Variants in PLCXD3 observed in about 807,000 individuals in gnomAD.
PLCXD3 encodes PI-PLC X domain-containing protein 3.
Under a neutral mutation model 25.5 loss-of-function variants are expected in PLCXD3, and 19 were observed. The ratio of observed to expected loss-of-function variants is 0.75; its 90% CI spans 0.52 to 1.09. The LOEUF (loss-of-function observed/expected upper bound fraction) is 1.09. Ranked by LOEUF, PLCXD3 falls within the 50% of genes least tolerant of loss-of-function variation. The probability of loss-of-function intolerance (pLI) is 0.00; values close to 1 mark genes in which losing one functional copy is unlikely to be tolerated. For missense variants in PLCXD3, 411 were observed against 388.1 expected, an observed-to-expected ratio of 1.06 and a Z score of -0.50; for synonymous variants, 174 against 137.6, an observed-to-expected ratio of 1.26 and a Z score of -1.85.
chr5:41,473,519 C>T (rs772980533), intron 1 of PLCXD3, among the ~76,000 whole-genome samples: 11 of 152,052 alleles, frequency 7.2e-5, no homozygotes, highest in East Asian at 3.9e-4. Flanking sequence ...CAGGCTGGAG[C>T]GCAGGCTCCG....
In PLCXD3 at chr5:41,313,742, G is replaced by A. The variant is rs559527240; in HGVS notation, c.841C>T (p.Arg281Cys). Residue 281 changes from arginine (R) to cysteine (C), a missense_variant, in exon 3 of 3, where the codon CGC becomes TGC. Arg to Cys is a radical substitution (Grantham distance 180, BLOSUM62 -3). Coordinates refer to ENST00000377801, the MANE Select transcript of PLCXD3 (RefSeq NM_001005473.3). ...RALPAMMQWV[R>C]TQKPGESGIN... ...CCACTCTCTCCTGGCTTCTGCGTGC[G>A]GACCCACTGCATCATGGCAGGAAGA... is the stretch of plus-strand genomic sequence containing the variant. The A allele has an allele frequency of 4.5e-5, 72 of 1,609,074 alleles. 1 individual carries two copies. The highest frequency in any genetic ancestry group is 3.3e-4 in the Middle Eastern group (2 of 6,028).
intron 1 of PLCXD3, among the ~76,000 whole-genome samples, chr5:41,439,039 C>A (rs1463675729): frequency 6.6e-6 from 1 of 152,176 alleles, no homozygotes; most frequent in African/African-American, 2.4e-5. Context: ...TGAAAACAAA[C>A]AAACACTGTC....
At chr5:41,416,031 G>T (rs565925496) in intron 1 of PLCXD3, among the ~76,000 whole-genome samples, 24 of 152,264 alleles carry the variant, frequency 1.6e-4, no homozygotes, top group African/African-American at 5.5e-4. Context: ...GCCTTGAGAG[G>T]AAAAAGGATC....
At chr5:41,469,110 T>C (rs1748092617) in intron 1 of PLCXD3, among the ~76,000 whole-genome samples, 1 of 152,180 alleles carries the variant, frequency 6.6e-6, no homozygotes, top group African/African-American at 2.4e-5. Flanking sequence ...TATCAAATGT[T>C]TTTTCTGCAT....
In PLCXD3 at chr5:41,307,904, G is replaced by A. The variant is rs1458347972; in HGVS notation, c.*5713C>T. 6.6e-6 allele frequency: 1 copy of A among 152,100 alleles called. No individual in the cohort carries two copies. The highest frequency in any genetic ancestry group is 2.4e-5 in the African/African-American group (1 of 41,422). 9.4% of individuals were successfully genotyped at this position (152,100 alleles called of 1,614,324 possible). On this transcript the variant is annotated 3_prime_UTR_variant, in exon 3 of 3. Coordinates refer to ENST00000377801, the MANE Select transcript of PLCXD3 (RefSeq NM_001005473.3). ...TTTCTAATATGTCGGTGTGTTTTTG[G>A]TTGTCCCAGTTACTGGGAAATGCTA...
At chr5:41,316,113 G>A (rs774859362) in intron 2 of PLCXD3, among the ~76,000 whole-genome samples, 45 of 152,122 alleles carry the variant, frequency 3.0e-4, no homozygotes, top group Non-Finnish European at 6.0e-4. Flanking sequence ...TCTTCCACTT[G>A]GGAGAAGAGG....
At chr5:41,470,249 T>C (rs1452615955) in intron 1 of PLCXD3, among the ~76,000 whole-genome samples, 2 of 151,930 alleles carry the variant, frequency 1.3e-5, no homozygotes, top group African/African-American at 2.4e-5. Context: ...ATCTGAAACA[T>C]AAAGAGTAGA....
At chr5:41,411,881 TATGTATCC>T in intron 1 of PLCXD3, among the ~76,000 whole-genome samples, 5 of 4,814 alleles carry the variant, frequency 1.0e-3, no homozygotes, top group Non-Finnish European at 3.0e-3. Flanking sequence ...TCTCCATATA[TATGTATCC>T]ATATATATAT....
At chr5:41,401,117 A>T (rs1253146071) in intron 1 of PLCXD3, among the ~76,000 whole-genome samples, 1 of 151,988 alleles carries the variant, frequency 6.6e-6, no homozygotes, top group Non-Finnish European at 1.5e-5. Context: ...TTTAGTTCTG[A>T]GAGCTCTTCT....
intron 2 of PLCXD3, among the ~76,000 whole-genome samples, chr5:41,373,821 A>T (rs1434370577): frequency 6.6e-6 from 1 of 152,108 alleles, no homozygotes; most frequent in Non-Finnish European, 1.5e-5. Flanking sequence ...TTACATGAGA[A>T]TGTGCTTTTT....
chr5:41,429,874 T>C (rs1747050572), intron 1 of PLCXD3, among the ~76,000 whole-genome samples: 1 of 152,206 alleles, frequency 6.6e-6, no homozygotes, highest in African/African-American at 2.4e-5. Flanking sequence ...TTATGTTTAG[T>C]GTTCTTATTT....
At position 41,461,288 on chromosome 5, in the gene PLCXD3, T is replaced by C. The variant is rs1747868123; in HGVS notation, c.103+49136A>G. 3.9e-5 allele frequency among the ~76,000 whole-genome samples: 6 copies of C among 152,072 alleles called. No individual in the cohort carries two copies. The South Asian group carries it at 1.0e-3, about 26-fold the overall frequency. ...TTTAAAAAAATTTCTACAGGAACAA[T>C]GTAAAGCATGACTGAAACATTTTTT... is the stretch of plus-strand genomic sequence containing the variant. On this transcript the variant is annotated intron_variant, in intron 1 of 2. Coordinates refer to ENST00000377801, the MANE Select transcript of PLCXD3 (RefSeq NM_001005473.3).
At chr5:41,369,591 C>T (rs1297231646) in intron 2 of PLCXD3, among the ~76,000 whole-genome samples, 1 of 152,148 alleles carries the variant, frequency 6.6e-6, no homozygotes, top group Non-Finnish European at 1.5e-5. Context: ...AGTGATTCTG[C>T]TGCCTCAGCC....
At chr5:41,338,579 C>T (rs550030256) in intron 2 of PLCXD3, among the ~76,000 whole-genome samples, 2 of 152,058 alleles carry the variant, frequency 1.3e-5, no homozygotes, top group Non-Finnish European at 2.9e-5. Flanking sequence ...AGGGGCTCAA[C>T]TCTAACATAT....
chr5:41,411,856 GTATCCATATATATATCTCCATATATAT>G (rs1746537193), intron 1 of PLCXD3, among the ~76,000 whole-genome samples: 2 of 136,628 alleles, frequency 1.5e-5, no homozygotes, highest in African/African-American at 2.8e-5. Context: ...CCATATATAT[GTATCCATATATATATCTCCATATATAT>G]GTATCCATAT....
chr5:41,321,336 T>C (rs1743464918), intron 2 of PLCXD3, among the ~76,000 whole-genome samples: 1 of 151,904 alleles, frequency 6.6e-6, no homozygotes, highest in African/African-American at 2.4e-5. Context: ...GCAATCCCAT[T>C]TACAATAGCC....
chr5:41,371,650 T>A (rs1395709341), intron 2 of PLCXD3, among the ~76,000 whole-genome samples: 1 of 152,170 alleles, frequency 6.6e-6, no homozygotes, highest in South Asian at 2.1e-4. Context: ...CCATGGTATG[T>A]TCTCCCTTGC....
rs1348179627 is a variant in PLCXD3 at position 41,311,934 on chromosome 5, A to C, written c.*1683T>G. The C allele has an allele frequency of 1.3e-5, 2 of 152,514 alleles. No individual in the cohort carries two copies. Among genetic ancestry groups the C allele is most frequent in the Non-Finnish European group, 2.9e-5 (2 of 68,010 alleles). 9.4% of individuals were successfully genotyped at this position (152,514 alleles called of 1,614,324 possible). The stretch of plus-strand genomic sequence containing the variant: ...TTATTTCTCTATGACCCTACTTTGC[A>C]TGGACTGTATTATCCTAGGAAACTA... On this transcript the variant is annotated 3_prime_UTR_variant, in exon 3 of 3. Transcript: ENST00000377801.
At chr5:41,400,197 G>T (rs1349100054) in intron 1 of PLCXD3, among the ~76,000 whole-genome samples, 1 of 152,094 alleles carries the variant, frequency 6.6e-6, no homozygotes, top group African/African-American at 2.4e-5. Context: ...ATATATGCTG[G>T]AGAGAATGTG....
Sources: gnomAD v4.1 joint callset for allele counts (sites outside exome capture counted in the v4.1 genomes callset) on GRCh38, gnomAD v4.1.1 for gene constraint, MANE v1.5 for transcripts, NCBI Gene and HGNC (gene_info 2026-07-23, HGNC 2026-07-21) for gene names.